The following SNTG2 variants were observed in gnomAD, a reference collection of about 807,000 sequenced individuals.
The protein encoded by SNTG2 is syntrophin gamma 2, also known as gamma-2-syntrophin.
Under a neutral mutation model 70.9 loss-of-function variants are expected in SNTG2, and 74 were observed. The ratio of observed to expected loss-of-function variants is 1.04; its 90% confidence interval spans 0.86 to 1.27. The LOEUF is 1.27. Among genes scored for constraint, SNTG2 ranks in the 50% most tolerant of loss-of-function variants. The pLI is 0.00. For synonymous variants in SNTG2, 278 were observed against 273.8 expected (o/e 1.02, Z -0.15); for missense variants, 717 against 690.7 (o/e 1.04, Z -0.43).
chr2:983,746 C>T (rs187811567), intron 1 of SNTG2, among the ~76,000 whole-genome samples: 1 of 152,242 alleles, frequency 6.6e-6, no homozygotes, highest in African/African-American at 2.4e-5. Context: ...AGAAATTGGT[C>T]CAGAATATAT....
At position 1,080,958 on chromosome 2, in the gene SNTG2, C is replaced by G. The variant is rs991483586; in HGVS notation, c.73-2560C>G. ...GAACGCTGGTGGCCCTTCCTTTTCT[C>G]AGAGCCTGAGAGCTGTCAGTCATAG... is the stretch of plus-strand genomic sequence containing the variant. On this transcript the variant is annotated intron_variant, in intron 1 of 16. Transcript: ENST00000308624. Among the ~76,000 whole-genome samples, 3 of 152,084 alleles carry G rather than the reference C, an allele frequency of 2.0e-5. No individual in the cohort carries two copies. In the South Asian group the frequency reaches 6.2e-4, roughly 32 times the overall value.
In SNTG2 at chr2:1,222,013, CTCTCTCTGTCTCTGCCTA is replaced by C. The variant is rs1159375019; in HGVS notation, c.719+12789_719+12806del. Among the ~76,000 whole-genome samples the C allele has an allele frequency of 5.7e-4, 56 of 97,786 alleles. 15 individuals are homozygous for C. The highest frequency in any genetic ancestry group is 8.8e-4 in the Admixed American group (8 of 9,128). 64.2% of individuals were successfully genotyped at this position (97,786 alleles called of 152,430 possible). The stretch of plus-strand genomic sequence containing the variant: ...TGTCTCTGTCTCTGTCTCTCTCTGT[CTCTCTCTGTCTCTGCCTA>C]TCTCTGTCTCTCTCTGTCTCTCTCT... On this transcript the variant is annotated intron_variant, in intron 9 of 16. Transcript: ENST00000308624.
chr2:1,267,676 GA>G lies in SNTG2; in HGVS notation c.1284+107del. 4.8e-6 allele frequency: 5 copies of G among 1,044,690 alleles called. No homozygotes were observed. In the South Asian group the frequency reaches 7.5e-5, roughly 16 times the overall value. The allele number at this position is 1,044,690 out of a possible 1,614,324, so 64.7% of individuals were successfully genotyped here. A position where few individuals can be genotyped will look rare whatever the true frequency, so the allele number is the denominator to read the frequency against. Reference sequence around the variant, plus strand: ...TATCGGGGGAAAAGAGGAATCTTCAGAAGGTGAGAATCTTTCACCGGAGCTA... The same window carrying G: ...TATCGGGGGAAAAGAGGAATCTTCAGAGGTGAGAATCTTTCACCGGAGCTA... On this transcript the variant is annotated intron_variant, in intron 14 of 16. Transcript: ENST00000308624.
At chr2:1,063,752 A>T (rs1315932783) in intron 1 of SNTG2, among the ~76,000 whole-genome samples, 2 of 152,216 alleles carry the variant, frequency 1.3e-5, no homozygotes, top group African/African-American at 4.8e-5. Flanking sequence ...ACAGAAACAC[A>T]TGGGGGAAAA....
intron 1 of SNTG2, among the ~76,000 whole-genome samples, chr2:1,044,069 C>T (rs1450074255): frequency 1.3e-5 from 2 of 152,002 alleles, no homozygotes; most frequent in African/African-American, 4.8e-5. Flanking sequence ...TTGTTTGGGT[C>T]ATCTCTCATT....
intron 1 of SNTG2, among the ~76,000 whole-genome samples, chr2:964,539 C>T (rs914833868): frequency 6.6e-6 from 1 of 152,176 alleles, no homozygotes; most frequent in African/African-American, 2.4e-5. Context: ...CAGCATCACC[C>T]CATGAGAAGG....
chr2:969,704 A>T (rs1660679101), intron 1 of SNTG2, among the ~76,000 whole-genome samples: 1 of 152,168 alleles, frequency 6.6e-6, no homozygotes, highest in South Asian at 2.1e-4. Context: ...AGTTTTGTAT[A>T]TTCATTTTAT....
chr2:1,070,605 A>G (rs1319358135), intron 1 of SNTG2, among the ~76,000 whole-genome samples: 1 of 152,220 alleles, frequency 6.6e-6, no homozygotes, highest in Non-Finnish European at 1.5e-5. Flanking sequence ...CAGATTAGAA[A>G]GTGACACAGC....
intron 12 of SNTG2, among the ~76,000 whole-genome samples, chr2:1,250,868 C>T (rs570599419): frequency 2.0e-5 from 3 of 152,334 alleles, no homozygotes; most frequent in South Asian, 4.1e-4. Context: ...ATTCATGGCC[C>T]CTTTCTTGTC....
intron 2 of SNTG2, among the ~76,000 whole-genome samples, chr2:1,092,473 G>T (rs1414413043): frequency 1.3e-5 from 2 of 152,216 alleles, no homozygotes; most frequent in Non-Finnish European, 2.9e-5. Context: ...GCAGGGTCCT[G>T]GCTGGTGGCC....
intron 6 of SNTG2, among the ~76,000 whole-genome samples, chr2:1,146,418 A>C (rs1230752186): frequency 1.3e-5 from 2 of 152,210 alleles, no homozygotes; most frequent in African/African-American, 4.8e-5. Context: ...TTAATGAAGA[A>C]GATAGTCTAT....
At chr2:1,266,175 C>G (rs1176080054) in intron 13 of SNTG2, among the ~76,000 whole-genome samples, 1 of 149,558 alleles carries the variant, frequency 6.7e-6, no homozygotes, top group Non-Finnish European at 1.5e-5. Context: ...GAAATGGAGA[C>G]AGAGAGAGAG....
chr2:1,323,338 T>C (rs1033783178), intron 16 of SNTG2, among the ~76,000 whole-genome samples: 1 of 152,152 alleles, frequency 6.6e-6, no homozygotes, highest in African/African-American at 2.4e-5. Flanking sequence ...TGAAAGTGGG[T>C]GGAAACACCA....
intron 2 of SNTG2, among the ~76,000 whole-genome samples, chr2:1,087,687 A>C (rs1297726065): frequency 6.6e-6 from 1 of 152,248 alleles, no homozygotes; most frequent in African/African-American, 2.4e-5. Context: ...ACGTATGGTA[A>C]TGTACTAATC....
At chr2:991,603 C>T (rs946718005) in intron 1 of SNTG2, among the ~76,000 whole-genome samples, 4 of 152,164 alleles carry the variant, frequency 2.6e-5, no homozygotes, top group Admixed American at 2.6e-4. Context: ...CCAGGTAGCA[C>T]CCAGGGCATC....
At chr2:1,012,267 A>G (rs987220556) in intron 1 of SNTG2, among the ~76,000 whole-genome samples, 2 of 152,168 alleles carry the variant, frequency 1.3e-5, no homozygotes, top group Admixed American at 1.3e-4. Flanking sequence ...CTTCCATTAG[A>G]TCCACAAAAC....
At chr2:966,201 G>A (rs1660560186) in intron 1 of SNTG2, among the ~76,000 whole-genome samples, 1 of 152,086 alleles carries the variant, frequency 6.6e-6, no homozygotes, top group African/African-American at 2.4e-5. Context: ...GTTACTTCTG[G>A]GTCATCAAAA....
chr2:1,307,742 A>C (rs1680766020), intron 14 of SNTG2, among the ~76,000 whole-genome samples: 1 of 152,342 alleles, frequency 6.6e-6, no homozygotes, highest in African/African-American at 2.4e-5. Flanking sequence ...TTTAAAGCAC[A>C]AATCTCGCTT....
chr2:1,132,219 ATG>A (rs961305065), intron 4 of SNTG2, among the ~76,000 whole-genome samples: 8 of 135,156 alleles, frequency 5.9e-5, no homozygotes, highest in Non-Finnish European at 9.7e-5. Context: ...GTGTATATAT[ATG>A]TGTATATATG....
Sources: allele counts gnomAD v4.1 joint callset (sites outside exome capture counted in the v4.1 genomes callset), GRCh38; gene constraint gnomAD v4.1.1; transcripts MANE v1.5; gene names NCBI Gene and HGNC (gene_info 2026-07-23, HGNC 2026-07-21).